The following KCTD16 variants were observed in gnomAD, a reference collection of about 807,000 sequenced individuals.
KCTD16 encodes BTB/POZ domain-containing protein KCTD16.
In KCTD16, 13 loss-of-function variants were observed where a neutral mutation model predicts 33.2. The ratio of observed to expected loss-of-function variants is 0.39; its 90% CI spans 0.25 to 0.62. KCTD16 has a LOEUF of 0.62. Ranked by LOEUF, KCTD16 falls within the 20% of genes least tolerant of loss-of-function variation. The probability of loss-of-function intolerance (pLI) is 0.50; values close to 1 mark genes in which losing one functional copy is unlikely to be tolerated. For synonymous variants in KCTD16, 197 were observed against 195.3 expected, an observed-to-expected ratio of 1.01 and a Z score of -0.07; for missense variants, 441 against 525.1, an observed-to-expected ratio of 0.84 and a Z score of 1.57.
chr5:144,397,372 C>T (rs1383268918), intron 3 of KCTD16, among the ~76,000 whole-genome samples: 1 of 151,992 alleles, frequency 6.6e-6, no homozygotes, highest in South Asian at 2.1e-4. Flanking sequence ...TGAGTAGTGC[C>T]GCAATAAACA....
At chr5:144,311,793 C>T (rs925298571) in intron 3 of KCTD16, among the ~76,000 whole-genome samples, 1 of 152,116 alleles carries the variant, frequency 6.6e-6, no homozygotes. Flanking sequence ...ATATTACAGA[C>T]TTTTAAACAC....
At chr5:144,364,883 T>C (rs1000068771) in intron 3 of KCTD16, among the ~76,000 whole-genome samples, 1 of 152,194 alleles carries the variant, frequency 6.6e-6, no homozygotes, top group Non-Finnish European at 1.5e-5. Flanking sequence ...TTTTCTGTTC[T>C]TTTTTTACTT....
chr5:144,309,926 G>T (rs766093564), intron 3 of KCTD16, among the ~76,000 whole-genome samples: 1 of 152,022 alleles, frequency 6.6e-6, no homozygotes, highest in Non-Finnish European at 1.5e-5. Flanking sequence ...GTTTTACATG[G>T]TGTCATTGTG....
Position 144,314,866 on chromosome 5 carries a change from A to T in KCTD16, c.832+107320A>T, listed in dbSNP as rs545608573. Among the ~76,000 whole-genome samples the T allele has an allele frequency of 2.4e-4, 36 of 152,220 alleles. 1 individual carries two copies. In the East Asian group the frequency reaches 7.0e-3, roughly 29 times the overall value. ...ATCTGATAGGCTAATAAAAAGACCT[A>T]AATCACACATCTTTGCCTATATTTA... On this transcript the variant is annotated intron_variant, in intron 3 of 3. Coordinates refer to ENST00000512467, the MANE Select transcript of KCTD16 (RefSeq NM_020768.4).
intron 3 of KCTD16, among the ~76,000 whole-genome samples, chr5:144,323,692 A>C (rs969589701): frequency 1.3e-5 from 2 of 152,132 alleles, no homozygotes; most frequent in Non-Finnish European, 2.9e-5. Flanking sequence ...GCCCTTGGGT[A>C]ATTCTGCTCC....
chr5:144,355,442 G>A (rs552387979), intron 3 of KCTD16, among the ~76,000 whole-genome samples: 25 of 152,236 alleles, frequency 1.6e-4, no homozygotes, highest in African/African-American at 5.5e-4. Flanking sequence ...GTTAGGAAAG[G>A]TGAAACTTCT....
At chr5:144,219,960 T>C (rs1228771257) in intron 3 of KCTD16, among the ~76,000 whole-genome samples, 1 of 152,226 alleles carries the variant, frequency 6.6e-6, no homozygotes, top group Non-Finnish European at 1.5e-5. Context: ...AACTCTGCAC[T>C]GTTACTACAC....
intron 3 of KCTD16, among the ~76,000 whole-genome samples, chr5:144,303,722 A>G (rs1435339405): frequency 6.6e-6 from 1 of 152,198 alleles, no homozygotes; most frequent in East Asian, 1.9e-4. Flanking sequence ...GAGGAGATCC[A>G]GGTTGGGGCT....
chr5:144,243,313 TCTTTC>T (rs1157912486), intron 3 of KCTD16, among the ~76,000 whole-genome samples: 4 of 152,246 alleles, frequency 2.6e-5, no homozygotes, highest in Non-Finnish European at 5.9e-5. Flanking sequence ...CATACTGTAC[TCTTTC>T]AGAAGAAGTC....
At chr5:144,343,221 G>A (rs2126900621) in intron 3 of KCTD16, among the ~76,000 whole-genome samples, 1 of 152,252 alleles carries the variant, frequency 6.6e-6, no homozygotes, top group East Asian at 1.9e-4. Flanking sequence ...ACTCTTTTTG[G>A]TTGGTAAGCT....
intron 3 of KCTD16, among the ~76,000 whole-genome samples, chr5:144,311,130 T>G (rs1751756220): frequency 6.6e-6 from 1 of 152,166 alleles, no homozygotes; most frequent in South Asian, 2.1e-4. Context: ...AAGATTTGCT[T>G]GAAGCTCTTG....
intron 3 of KCTD16, among the ~76,000 whole-genome samples, chr5:144,255,962 T>C (rs1252412811): frequency 6.6e-6 from 1 of 152,206 alleles, no homozygotes; most frequent in Non-Finnish European, 1.5e-5. Context: ...CTAGAAGCAG[T>C]GTCCTGGAGC....
intron 3 of KCTD16, among the ~76,000 whole-genome samples, chr5:144,247,143 A>G (rs1230915028): frequency 6.6e-6 from 1 of 152,178 alleles, no homozygotes; most frequent in East Asian, 1.9e-4. Flanking sequence ...CTTTTACATG[A>G]CCAGCTACCC....
At chr5:144,344,742 TTTACACTG>T (rs1372159165) in intron 3 of KCTD16, among the ~76,000 whole-genome samples, 2 of 149,940 alleles carry the variant, frequency 1.3e-5, no homozygotes, top group Admixed American at 1.3e-4. Flanking sequence ...TAGGAACACT[TTTACACTG>T]TTGGTGGGAC....
chr5:144,423,993 G>A (rs1480541287), intron 3 of KCTD16, among the ~76,000 whole-genome samples: 1 of 152,082 alleles, frequency 6.6e-6, no homozygotes, highest in Admixed American at 6.6e-5. Context: ...GATAAGCAAA[G>A]AAAGTCCTCA....
chr5:144,312,452 T>C (rs1751791708), intron 3 of KCTD16, among the ~76,000 whole-genome samples: 1 of 152,190 alleles, frequency 6.6e-6, no homozygotes, highest in South Asian at 2.1e-4. Flanking sequence ...TATATAGAAA[T>C]TCTGGAGCTG....
chr5:144,265,619 GC>G (rs1755121532), intron 3 of KCTD16, among the ~76,000 whole-genome samples: 1 of 152,182 alleles, frequency 6.6e-6, no homozygotes, highest in African/African-American at 2.4e-5. Flanking sequence ...TATCTTCTAT[GC>G]CCAAAACTGT....
chr5:144,333,916 G>A (rs1752418565), intron 3 of KCTD16, among the ~76,000 whole-genome samples: 1 of 152,182 alleles, frequency 6.6e-6, no homozygotes, highest in African/African-American at 2.4e-5. Context: ...TTTTCTTTGT[G>A]TCTGGAACCT....
At chr5:144,342,207 G>A (rs907890342) in intron 3 of KCTD16, among the ~76,000 whole-genome samples, 3 of 152,148 alleles carry the variant, frequency 2.0e-5, no homozygotes, top group African/African-American at 7.2e-5. Flanking sequence ...CTACCCATGA[G>A]CATGGAATGT....
Sources: allele counts gnomAD v4.1 joint callset (sites outside exome capture counted in the v4.1 genomes callset), GRCh38; gene constraint gnomAD v4.1.1; transcripts MANE v1.5; gene names NCBI Gene and HGNC (gene_info 2026-07-23, HGNC 2026-07-21).